Variants in SEZ6L observed in about 807,000 individuals in gnomAD.
SEZ6L encodes seizure related 6 homolog like, also known as seizure 6-like protein.
Under a neutral mutation model 106.2 loss-of-function variants are expected in SEZ6L, and 37 were observed. The ratio of observed to expected loss-of-function variants is 0.35; its 90% CI spans 0.27 to 0.46. The LOEUF (loss-of-function observed/expected upper bound fraction) is 0.46. Ranked by LOEUF, SEZ6L falls within the 20% of genes least tolerant of loss-of-function variation. The pLI is 1.00. For synonymous variants in SEZ6L, 541 were observed against 570.4 expected (o/e 0.95, Z 0.73); for missense variants, 1,172 against 1,332.8 (o/e 0.88, Z 1.88).
At chr22:26,299,289 C>T (rs2081385111) in intron 5 of SEZ6L, 120 bp downstream of exon 5, 3 of 698,788 alleles carry the variant, frequency 4.3e-6, no homozygotes, top group African/African-American at 1.9e-5. Context: ...AGAAACTGCT[C>T]CAAATATGGA....
chr22:26,240,088 ACACT>A (rs60120410), intron 1 of SEZ6L, among the ~76,000 whole-genome samples: 1,244 of 116,790 alleles, frequency 0.011, 25 homozygotes, highest in Admixed American at 0.041. Flanking sequence ...ACACACACAC[ACACT>A]CACACACACA....
At chr22:26,374,618 A>G (rs1423605295) in intron 14 of SEZ6L, among the ~76,000 whole-genome samples, 2 of 152,184 alleles carry the variant, frequency 1.3e-5, no homozygotes, top group African/African-American at 4.8e-5. Context: ...TTTTGTGCTC[A>G]TGCATTTATT....
intron 12 of SEZ6L, among the ~76,000 whole-genome samples, chr22:26,352,049 T>C (rs1282534741): frequency 6.6e-6 from 1 of 151,584 alleles, no homozygotes; most frequent in African/African-American, 2.4e-5. Context: ...TTATCCCAGC[T>C]GCTCAGGAGG....
intron 9 of SEZ6L, among the ~76,000 whole-genome samples, chr22:26,337,386 T>C (rs1412854915): frequency 1.3e-5 from 2 of 152,256 alleles, no homozygotes; most frequent in Non-Finnish European, 2.9e-5. Flanking sequence ...GTCTGTAAAC[T>C]ACTGTTACCA....
intron 1 of SEZ6L, among the ~76,000 whole-genome samples, chr22:26,228,877 C>T (rs2078713739): frequency 6.6e-6 from 1 of 152,216 alleles, no homozygotes; most frequent in Non-Finnish European, 1.5e-5. Context: ...AGTTTTTACT[C>T]TAAGCAAGTG....
chr22:26,340,417 C>T lies in SEZ6L; in HGVS notation c.2016-19C>T. 6.3e-7 allele frequency: 1 copy of T among 1,595,298 alleles called. No individual in the cohort carries two copies. On this transcript the variant is annotated intron_variant, in intron 9 of 16. Coordinates refer to ENST00000248933, the MANE Select transcript of SEZ6L (RefSeq NM_021115.5). ...CATTCTCTATTTCACATGACTCTCC[C>T]TCTTCTCTGCCCTCCAAGCCTGAAT... is the stretch of plus-strand genomic sequence containing the variant.
intron 13 of SEZ6L, among the ~76,000 whole-genome samples, chr22:26,367,265 C>T (rs1568950228): frequency 6.6e-6 from 1 of 152,146 alleles, no homozygotes; most frequent in East Asian, 1.9e-4. Context: ...GTACACTTCT[C>T]GCCCTAGACA....
At chr22:26,375,872 A>C (rs2084208292) in intron 15 of SEZ6L, among the ~76,000 whole-genome samples, 183 bp downstream of exon 15, 1 of 152,214 alleles carries the variant, frequency 6.6e-6, no homozygotes, top group Non-Finnish European at 1.5e-5. Flanking sequence ...ACATTGGGCA[A>C]TTATGAAGCC....
At chr22:26,284,103 A>G (rs572724259) in intron 1 of SEZ6L, among the ~76,000 whole-genome samples, 1 of 152,298 alleles carries the variant, frequency 6.6e-6, no homozygotes, top group South Asian at 2.1e-4. Context: ...AAACTCCAAA[A>G]GACAAGGCTG....
At chr22:26,283,013 C>T (rs1050931064) in intron 1 of SEZ6L, among the ~76,000 whole-genome samples, 1 of 152,084 alleles carries the variant, frequency 6.6e-6, no homozygotes, top group South Asian at 2.1e-4. Flanking sequence ...CTCCACCTCC[C>T]GGGTTCAAGC....
At chr22:26,317,079 A>G (rs1326584707) in intron 9 of SEZ6L, among the ~76,000 whole-genome samples, 3 of 151,838 alleles carry the variant, frequency 2.0e-5, no homozygotes, top group African/African-American at 7.3e-5. Flanking sequence ...TTAATGACAT[A>G]AAGTTTAATG....
At chr22:26,330,416 A>G (rs1466007031) in intron 9 of SEZ6L, among the ~76,000 whole-genome samples, 2 of 152,238 alleles carry the variant, frequency 1.3e-5, no homozygotes, top group Admixed American at 6.5e-5. Context: ...TGAAAACCTT[A>G]GCTAGTTATT....
rs1252880363 is a variant in SEZ6L at position 26,292,850 on chromosome 22, C to T, written c.539C>T (p.Ser180Leu). The T allele has an allele frequency of 6.2e-7, 1 of 1,614,144 alleles. No individual in the cohort carries two copies. The highest frequency in any genetic ancestry group is 1.1e-5 in the South Asian group (1 of 91,074). Residue 180 changes from serine to leucine, a missense_variant, in exon 2 of 17, where the codon TCA becomes TTA. Around this residue, in one of 4 missense-constraint regions of SEZ6L, gnomAD observed 494 missense variants for 445.8 expected, o/e 1.11. Coordinates refer to ENST00000248933, the MANE Select transcript of SEZ6L (RefSeq NM_021115.5). ...PDPIVASEEASEVPLWLDRKE... is the reference protein window; with the variant it reads ...PDPIVASEEALEVPLWLDRKE... ...CCCATCGTGGCCTCCGAGGAGGCAT[C>T]AGAAGTGCCCCTTTGGCTGGACCGA...
At chr22:26,185,723 T>C (rs991772843) in intron 1 of SEZ6L, among the ~76,000 whole-genome samples, 12 of 152,100 alleles carry the variant, frequency 7.9e-5, no homozygotes, top group Admixed American at 7.9e-4. Context: ...TCACATGATC[T>C]CATTTAAGCC....
At chr22:26,337,532 G>A (rs1358029769) in intron 9 of SEZ6L, among the ~76,000 whole-genome samples, 1 of 152,150 alleles carries the variant, frequency 6.6e-6, no homozygotes, top group Non-Finnish European at 1.5e-5. Flanking sequence ...CCTACTACAG[G>A]TCCAAAGCTG....
At chr22:26,287,456 G>A (rs2080974396) in intron 1 of SEZ6L, among the ~76,000 whole-genome samples, 1 of 152,096 alleles carries the variant, frequency 6.6e-6, no homozygotes, top group Non-Finnish European at 1.5e-5. Context: ...GGAAGAATCA[G>A]ATAAATGTGA....
At chr22:26,380,153 G>C in intron 16 of SEZ6L, 113 bp from the exon 17 acceptor site, 1 of 987,768 alleles carries the variant, frequency 1.0e-6, no homozygotes, top group Non-Finnish European at 1.6e-6. Context: ...GGAGGGCACT[G>C]AAAAGTCACG....
chr22:26,348,645 A>AAAGAAAAAGAAAGAAAG (rs1491427409), intron 11 of SEZ6L, among the ~76,000 whole-genome samples: 1 of 14,976 alleles, frequency 6.7e-5, no homozygotes, highest in Non-Finnish European at 1.1e-4. Context: ...AGAAAGAAAG[A>AAAGAAAAAGAAAGAAAG]AAAAGAAAGA....
chr22:26,319,958 G>A (rs1191587167), intron 9 of SEZ6L, among the ~76,000 whole-genome samples: 1 of 152,042 alleles, frequency 6.6e-6, no homozygotes, highest in African/African-American at 2.4e-5. Flanking sequence ...GAAAAAAGAG[G>A]GTCAGAAAAA....
Sources: gnomAD v4.1 joint callset for allele counts (sites outside exome capture counted in the v4.1 genomes callset) on GRCh38, gnomAD v4.1.1 for gene constraint, gnomAD v4.1.1 regional missense constraint, MANE v1.5 for transcripts, NCBI Gene and HGNC (gene_info 2026-07-23, HGNC 2026-07-21) for gene names.